The following ADAMTS17 variants were observed in gnomAD, a reference collection of about 807,000 sequenced individuals.
The protein encoded by ADAMTS17 is A disintegrin and metalloproteinase with thrombospondin motifs 17.
ADAMTS17 carries 113 observed loss-of-function variants against 141.5 expected under a neutral mutation model. The observed-to-expected ratio is 0.80, with a 90% CI of 0.69 to 0.93. ADAMTS17 has a LOEUF of 0.93. ADAMTS17 is among the 40% of genes least tolerant of loss of function. The probability of loss-of-function intolerance (pLI) is 0.00; values close to 1 mark genes in which losing one functional copy is unlikely to be tolerated. For missense variants in ADAMTS17, 1,659 were observed against 1,517.9 expected (o/e 1.09, Z -1.54); for synonymous variants, 768 against 630.6 (o/e 1.22, Z -3.27).
chr15:100,085,107 T>C (rs8026317), intron 15 of ADAMTS17, among the ~76,000 whole-genome samples: 49,367 of 151,330 alleles, frequency 0.33, 10,297 homozygotes, highest in East Asian at 0.58. Flanking sequence ...AAATATTAGA[T>C]GAATGGCTAA....
chr15:100,164,530 G>T (rs2039869884), intron 8 of ADAMTS17, among the ~76,000 whole-genome samples: 2 of 152,176 alleles, frequency 1.3e-5, no homozygotes, highest in Admixed American at 1.3e-4. Flanking sequence ...CCACCAAAGT[G>T]CCTGGCAGTA....
chr15:100,253,509 T>G (rs1596368772), intron 7 of ADAMTS17, among the ~76,000 whole-genome samples: 1 of 13,110 alleles, frequency 7.6e-5, no homozygotes, highest in Non-Finnish European at 1.2e-4. Context: ...GAGGGGAAGG[T>G]AGAGGGGGGA....
At chr15:100,063,142 G>A (rs1300895013) in intron 15 of ADAMTS17, among the ~76,000 whole-genome samples, 1 of 152,228 alleles carries the variant, frequency 6.6e-6, no homozygotes, top group Non-Finnish European at 1.5e-5. Context: ...ACGGAAAGAT[G>A]CAGGTGTTTG....
intron 3 of ADAMTS17, among the ~76,000 whole-genome samples, chr15:100,319,989 A>T (rs1490204726): frequency 6.6e-6 from 1 of 152,220 alleles, no homozygotes; most frequent in Non-Finnish European, 1.5e-5. Context: ...GCATCATGAA[A>T]GAATAGGACA....
intron 18 of ADAMTS17, among the ~76,000 whole-genome samples, chr15:100,011,337 G>C: frequency 7.1e-6 from 1 of 141,326 alleles, no homozygotes; most frequent in Non-Finnish European, 1.6e-5. Context: ...GGGAGGGAGG[G>C]AAGGAAAGGA....
chr15:100,250,532 C>T (rs2141945376), intron 7 of ADAMTS17, among the ~76,000 whole-genome samples: 1 of 152,156 alleles, frequency 6.6e-6, no homozygotes, highest in Admixed American at 6.5e-5. Flanking sequence ...AAATGGGTGC[C>T]AGTGGTTAGG....
rs545799185 is a variant in ADAMTS17 at position 99,974,345 on chromosome 15, C to T, written c.*57G>A. The T allele has an allele frequency of 1.6e-5, 25 of 1,610,050 alleles. No homozygotes were observed. The highest frequency in any genetic ancestry group is 4.5e-5 in the East Asian group (2 of 44,870). ...CGTGGCCACAAGGCTGGTAGGCTTG[C>T]GGGTGGGTGGGTTTCAGACCTGAGT... On this transcript the variant is annotated 3_prime_UTR_variant, in exon 22 of 22. Transcript: ENST00000268070.
In ADAMTS17 at chr15:99,974,437, C is replaced by A; in HGVS notation, c.3253G>T (p.Ala1085Ser). Residue 1085 changes from alanine (A) to serine (S), a missense_variant, in exon 22 of 22, where the codon GCA becomes TCA. Transcript: ENST00000268070. ...RCCQTCRDFY[A>S]NKMRQPPPNS Reference sequence around the variant, plus strand: ...GGCGGTGGCTGGCGCATCTTGTTTGCATAGAAGTCCCTGCAGGTCTGGCAG... The same window carrying A: ...GGCGGTGGCTGGCGCATCTTGTTTGAATAGAAGTCCCTGCAGGTCTGGCAG... The A allele has an allele frequency of 1.2e-6, 2 of 1,614,210 alleles. No homozygotes were observed. The highest frequency in any genetic ancestry group is 1.7e-6 in the Non-Finnish European group (2 of 1,180,040).
At chr15:100,199,773 G>A (rs935289702) in intron 7 of ADAMTS17, among the ~76,000 whole-genome samples, 2 of 152,196 alleles carry the variant, frequency 1.3e-5, no homozygotes, top group South Asian at 2.1e-4. Flanking sequence ...TCCATGCTGC[G>A]ATCCTACGCC....
At chr15:100,177,727 GGGA>G (rs1449655930) in intron 8 of ADAMTS17, among the ~76,000 whole-genome samples, 1 of 152,164 alleles carries the variant, frequency 6.6e-6, no homozygotes, top group Non-Finnish European at 1.5e-5. Flanking sequence ...ATTGCTGAGA[GGGA>G]GGTTTTGAAA....
At chr15:100,182,922 C>T (rs1454093064) in intron 8 of ADAMTS17, among the ~76,000 whole-genome samples, 1 of 152,132 alleles carries the variant, frequency 6.6e-6, no homozygotes, top group South Asian at 2.1e-4. Flanking sequence ...GGGATGTTTT[C>T]GGACTTTATT....
chr15:100,059,530 G>A (rs912109629), intron 15 of ADAMTS17, among the ~76,000 whole-genome samples: 6 of 152,236 alleles, frequency 3.9e-5, no homozygotes, highest in African/African-American at 1.4e-4. Flanking sequence ...TGGTCCATCT[G>A]AAAAATCATA....
At position 100,215,173 on chromosome 15, in the gene ADAMTS17, A is replaced by G. The variant is rs574835543; in HGVS notation, c.1076-15750T>C. ...TGCCTGCGTTTGGAACGCAGTAGCA[A>G]TACTAAATCAGACAGACTGGCGAGG... On this transcript the variant is annotated intron_variant, in intron 7 of 21. Coordinates refer to ENST00000268070, the MANE Select transcript of ADAMTS17 (RefSeq NM_139057.4). Among the ~76,000 whole-genome samples the G allele has an allele frequency of 1.8e-3, 268 of 152,358 alleles. 2 individuals carry two copies. Among genetic ancestry groups the G allele is most frequent in the African/African-American group, 6.1e-3 (253 of 41,584 alleles).
chr15:100,185,675 G>A (rs1400306597), intron 8 of ADAMTS17, among the ~76,000 whole-genome samples: 1 of 152,200 alleles, frequency 6.6e-6, no homozygotes, highest in African/African-American at 2.4e-5. Flanking sequence ...GTTCAGCTCT[G>A]CTGTCGGGGG....
chr15:100,063,014 G>T (rs927615399), intron 15 of ADAMTS17, among the ~76,000 whole-genome samples: 35 of 152,266 alleles, frequency 2.3e-4, no homozygotes, highest in African/African-American at 6.5e-4. Flanking sequence ...TGCTGGGGTC[G>T]TCTGGGAATT....
intron 18 of ADAMTS17, among the ~76,000 whole-genome samples, chr15:100,001,963 C>T (rs541774697): frequency 1.2e-3 from 43 of 34,576 alleles, no homozygotes; most frequent in Middle Eastern, 0.045. Flanking sequence ...GGGGACAGAG[C>T]GAGACTCAGT....
intron 7 of ADAMTS17, among the ~76,000 whole-genome samples, chr15:100,237,433 G>A (rs1369728933): frequency 2.0e-5 from 3 of 151,278 alleles, no homozygotes; most frequent in Non-Finnish European, 4.4e-5. Context: ...CCCTCCCTAG[G>A]AGATCCACAC....
At chr15:100,299,674 GTTTCT>G (rs547002298) in intron 3 of ADAMTS17, among the ~76,000 whole-genome samples, 5 of 152,172 alleles carry the variant, frequency 3.3e-5, no homozygotes, top group Non-Finnish European at 7.3e-5. Flanking sequence ...CCTGGGAATG[GTTTCT>G]TTTGACAGAT....
chr15:100,002,700 G>A (rs1015297622), intron 18 of ADAMTS17, among the ~76,000 whole-genome samples: 3 of 152,128 alleles, frequency 2.0e-5, no homozygotes, highest in Non-Finnish European at 4.4e-5. Context: ...TGAGCAATTT[G>A]GAGAAATGGC....
Sources: gnomAD v4.1 joint callset for allele counts (sites outside exome capture counted in the v4.1 genomes callset) on GRCh38, gnomAD v4.1.1 for gene constraint, MANE v1.5 for transcripts, NCBI Gene and HGNC (gene_info 2026-07-23, HGNC 2026-07-21) for gene names.